The following PLCZ1 variants were observed in gnomAD, a reference collection of about 807,000 sequenced individuals.
The protein encoded by PLCZ1 is 1-phosphatidylinositol 4,5-bisphosphate phosphodiesterase zeta-1.
PLCZ1 carries 64 observed loss-of-function variants against 76.8 expected under a neutral mutation model. The ratio of observed to expected loss-of-function variants is 0.83; its 90% CI spans 0.68 to 1.03. The LOEUF is 1.03. Among genes scored for constraint, PLCZ1 ranks in the 50% least tolerant of loss-of-function variants. The pLI, the probability that PLCZ1 is intolerant of heterozygous loss-of-function variation, is 0.00. For missense variants in PLCZ1, 751 were observed against 713.7 expected (o/e 1.05, Z -0.60); for synonymous variants, 248 against 230.8 (o/e 1.07, Z -0.68).
rs529644850 is a variant in PLCZ1, at chr12:18,722,784, G to A, written c.367+527C>T. Reference sequence around the variant, plus strand: ...CTATGTGTTCAAAAATGAAGAACAAGCGAAAAGTATATATATTTACGAAAT... The same window carrying A: ...CTATGTGTTCAAAAATGAAGAACAAACGAAAAGTATATATATTTACGAAAT... On this transcript the variant is annotated intron_variant, in intron 4 of 14. Transcript: ENST00000266505. Among the ~76,000 whole-genome samples, 15 of 151,992 alleles carry A rather than the reference G, an allele frequency of 9.9e-5. No individual in the cohort carries two copies. In the East Asian group the frequency reaches 2.3e-3, roughly 23 times the overall value.
chr12:18,688,353 C>A, intron 12 of PLCZ1, 135 bp from the exon 13 acceptor site: 2 of 853,760 alleles, frequency 2.3e-6, no homozygotes, highest in South Asian at 2.2e-5. Context: ...AAGTGGAATA[C>A]AATACAAATT....
intron 12 of PLCZ1, chr12:18,693,931 G>A (rs538678809): frequency 1.3e-6 from 2 of 1,524,508 alleles, no homozygotes; most frequent in Non-Finnish European, 9.1e-7. Context: ...ACTTGATCAT[G>A]GCTAAAGATG....
chr12:18,652,552 C>T, the PLCZ1 span, among the ~76,000 whole-genome samples: 3 of 152,094 alleles, frequency 2.0e-5, no homozygotes, highest in Admixed American at 6.6e-5. Context: ...TTTGTGACAG[C>T]GGTCCTAGCT....
At chr12:18,729,153 G>T (rs1958911747) in intron 3 of PLCZ1, among the ~76,000 whole-genome samples, 2 of 151,932 alleles carry the variant, frequency 1.3e-5, no homozygotes, top group African/African-American at 4.8e-5. Context: ...ACCATTCAAG[G>T]TTTCCATCAT....
At chr12:18,646,895 TGACCA>T in the PLCZ1 span, among the ~76,000 whole-genome samples, 1 of 151,648 alleles carries the variant, frequency 6.6e-6, no homozygotes, top group Non-Finnish European at 1.5e-5. Flanking sequence ...AAAGGACAGC[TGACCA>T]GATTCCTTTT....
rs1420855745 is a variant in PLCZ1, at chr12:18,723,426, C to G, written c.252G>C (p.Arg84=). Residue 84 remains arginine, a synonymous_variant, in exon 4 of 15, where the codon CGG becomes CGC. Coordinates refer to ENST00000266505, the MANE Select transcript of PLCZ1 (RefSeq NM_033123.4). ...IEIFNTYSEN[R]KILLASNLAQ... ...CCAGATTACTTGCTAAAAGAATTTTCCGGTTTTCAGAATATGTGTTGAAAA... is the reference window on the plus strand; with the variant it reads ...CCAGATTACTTGCTAAAAGAATTTTGCGGTTTTCAGAATATGTGTTGAAAA... 2.5e-6 allele frequency: 4 copies of G among 1,612,818 alleles called. No individual in the cohort carries two copies. Among genetic ancestry groups the G allele is most frequent in the African/African-American group, 2.7e-5 (2 of 74,848 alleles).
intron 12 of PLCZ1, chr12:18,693,590 C>A: frequency 6.3e-7 from 1 of 1,590,304 alleles, no homozygotes; most frequent in Admixed American, 1.7e-5. Flanking sequence ...GGAATTGTTT[C>A]GAGTTGCTGA....
chr12:18,726,398 C>T (rs536926211), intron 3 of PLCZ1, among the ~76,000 whole-genome samples: 1 of 152,280 alleles, frequency 6.6e-6, no homozygotes, highest in East Asian at 1.9e-4. Context: ...ACAATTCATT[C>T]AATGTCTTGT....
intron 9 of PLCZ1, among the ~76,000 whole-genome samples, chr12:18,701,186 T>C (rs1332052647): frequency 6.6e-6 from 1 of 152,062 alleles, no homozygotes; most frequent in Non-Finnish European, 1.5e-5. Flanking sequence ...GGTTTCACCA[T>C]GTTGACCAGG....
At chr12:18,662,607 G>T in the PLCZ1 span, among the ~76,000 whole-genome samples, 1 of 152,022 alleles carries the variant, frequency 6.6e-6, no homozygotes, top group East Asian at 1.9e-4. Flanking sequence ...TATACATTTT[G>T]TTTTCTACAT....
At chr12:18,681,390 C>G (rs532106612), downstream of PLCZ1, among the ~76,000 whole-genome samples, 3 of 152,152 alleles carry the variant, frequency 2.0e-5, no homozygotes, top group East Asian at 3.9e-4. Flanking sequence ...TGTTTTCTTA[C>G]ATTTACCAAC....
intron 4 of PLCZ1, among the ~76,000 whole-genome samples, chr12:18,720,809 CA>C (rs1398088537): frequency 6.6e-6 from 1 of 151,678 alleles, no homozygotes; most frequent in Admixed American, 6.6e-5. Flanking sequence ...AAGATAAGTG[CA>C]GGGGAATAAA....
At chr12:18,698,129 CT>C (rs1302500177) in intron 10 of PLCZ1, among the ~76,000 whole-genome samples, 2 of 151,920 alleles carry the variant, frequency 1.3e-5, no homozygotes, top group Non-Finnish European at 2.9e-5. Context: ...GTCATTCAAA[CT>C]CTCTTAACCA....
chr12:18,721,673 A>G (rs907268559), intron 4 of PLCZ1, among the ~76,000 whole-genome samples: 2 of 151,822 alleles, frequency 1.3e-5, no homozygotes, highest in Non-Finnish European at 2.9e-5. Flanking sequence ...TTGAGCCAGA[A>G]CATAAATCAA....
chr12:18,661,936 A>G, the PLCZ1 span, among the ~76,000 whole-genome samples: 1 of 152,260 alleles, frequency 6.6e-6, no homozygotes, highest in South Asian at 2.1e-4. Flanking sequence ...CTACACATCC[A>G]TAAAAAAAGA....
At chr12:18,647,941 T>A in the PLCZ1 span, 1 of 1,601,084 alleles carries the variant, frequency 6.2e-7, no homozygotes, top group Non-Finnish European at 8.5e-7. Flanking sequence ...AGAGTAAAAC[T>A]GTATTTGTGG....
the PLCZ1 span, among the ~76,000 whole-genome samples, chr12:18,649,117 C>G: frequency 6.6e-6 from 1 of 152,092 alleles, no homozygotes; most frequent in African/African-American, 2.4e-5. Flanking sequence ...GTCTATTACT[C>G]TCCCTTTCTG....
chr12:18,715,987 G>A (rs752756200), intron 5 of PLCZ1, among the ~76,000 whole-genome samples: 21 of 152,110 alleles, frequency 1.4e-4, no homozygotes, highest in Non-Finnish European at 2.4e-4. Flanking sequence ...GGGCAAATAA[G>A]GCAGAAGTTC....
the PLCZ1 span, among the ~76,000 whole-genome samples, chr12:18,657,269 T>C: frequency 2.0e-5 from 3 of 152,124 alleles, no homozygotes; most frequent in African/African-American, 7.2e-5. Flanking sequence ...GGAAATGAGA[T>C]GTTTTGGGGA....
Sources: gnomAD v4.1 joint callset for allele counts (sites outside exome capture counted in the v4.1 genomes callset) on GRCh38, gnomAD v4.1.1 for gene constraint, MANE v1.5 for transcripts, NCBI Gene and HGNC (gene_info 2026-07-23, HGNC 2026-07-21) for gene names.